The following GPR149 variants were observed in gnomAD, a reference collection of about 807,000 sequenced individuals.
The protein encoded by GPR149 is probable G protein-coupled receptor 149.
A neutral mutation model predicts 50.2 loss-of-function variants in GPR149; 50 were observed. The ratio of observed to expected loss-of-function variants is 1.00; its 90% CI spans 0.79 to 1.26. The LOEUF is 1.26. GPR149 is among the 50% of genes most tolerant of loss of function. GPR149 has a pLI of 0.00. For missense variants in GPR149, 983 were observed against 895.4 expected (o/e 1.10, Z -1.25); for synonymous variants, 405 against 358.2 (o/e 1.13, Z -1.48).
At chr3:154,355,212 G>A (rs1204764339) in intron 3 of GPR149, among the ~76,000 whole-genome samples, 1 of 152,138 alleles carries the variant, frequency 6.6e-6, no homozygotes, top group Non-Finnish European at 1.5e-5. Context: ...ATTTTTAATA[G>A]AGATGGGGTT....
At chr3:154,412,516 C>G (rs4680131) in intron 3 of GPR149, among the ~76,000 whole-genome samples, 1 of 151,870 alleles carries the variant, frequency 6.6e-6, no homozygotes, top group African/African-American at 2.4e-5. Context: ...ATCAGTAGCT[C>G]TGCTATACAC....
intron 3 of GPR149, among the ~76,000 whole-genome samples, chr3:154,359,140 G>A (rs530700586): frequency 6.6e-6 from 1 of 152,092 alleles, no homozygotes; most frequent in East Asian, 1.9e-4. Context: ...CAAAATAAGG[G>A]ACATTCTTTA....
At chr3:154,338,952 TA>T (rs530289161) in intron 3 of GPR149, among the ~76,000 whole-genome samples, 149 of 152,332 alleles carry the variant, frequency 9.8e-4, no homozygotes, top group African/African-American at 3.2e-3. Flanking sequence ...CTTTATGTAT[TA>T]AGATTTTTTT....
At chr3:154,376,731 G>A (rs1296770863) in intron 3 of GPR149, among the ~76,000 whole-genome samples, 2 of 152,128 alleles carry the variant, frequency 1.3e-5, no homozygotes, top group Non-Finnish European at 2.9e-5. Context: ...TTATAACATG[G>A]AAGATAAAAT....
Position 154,428,660 on chromosome 3 carries a change from T to G in GPR149, c.956A>C (p.Lys319Thr). Residue 319 changes from lysine to threonine, a missense_variant, in exon 1 of 4, where the codon AAA (lysine) becomes ACA (threonine). Transcript: ENST00000389740. ...KRFALILALT[K>T]VVLWLPMMMH... is the part of the protein sequence containing the mutation. ...CATCATGGGCAGCCAAAGGACGACT[T>G]TTGTAAGCGCTAGGATCAAAGCGAA... The G allele has an allele frequency of 1.2e-6, 2 of 1,612,472 alleles. No individual in the cohort carries two copies. The highest frequency in any genetic ancestry group is 1.7e-6 in the Non-Finnish European group (2 of 1,179,446).
intron 3 of GPR149, among the ~76,000 whole-genome samples, chr3:154,411,230 A>T (rs1711823350): frequency 6.6e-6 from 1 of 152,152 alleles, no homozygotes; most frequent in South Asian, 2.1e-4. Context: ...AAATACCTAC[A>T]TCAAAAATTC....
chr3:154,412,821 C>A (rs1466437068), intron 3 of GPR149, among the ~76,000 whole-genome samples: 2 of 151,998 alleles, frequency 1.3e-5, no homozygotes, highest in African/African-American at 4.8e-5. Flanking sequence ...TCTTGTATAA[C>A]CAAAAAAGAG....
intron 3 of GPR149, among the ~76,000 whole-genome samples, chr3:154,410,183 A>G (rs1186175242): frequency 6.6e-6 from 1 of 152,288 alleles, no homozygotes; most frequent in Middle Eastern, 3.4e-3. Context: ...ACAAATGCTG[A>G]GAGAATTTGC....
intron 3 of GPR149, among the ~76,000 whole-genome samples, chr3:154,411,768 A>G (rs1160354613): frequency 6.6e-6 from 1 of 152,100 alleles, no homozygotes; most frequent in East Asian, 1.9e-4. Context: ...TCTATCAGAT[A>G]TCCAAAGAAA....
At chr3:154,385,926 C>G (rs980503366) in intron 3 of GPR149, among the ~76,000 whole-genome samples, 9 of 152,068 alleles carry the variant, frequency 5.9e-5, no homozygotes, top group African/African-American at 1.9e-4. Flanking sequence ...TGGTCTCGAT[C>G]TTCTGACCTC....
At chr3:154,401,439 C>CTGTGATGAAGCTGAGA (rs1711547629) in intron 3 of GPR149, among the ~76,000 whole-genome samples, 2 of 152,122 alleles carry the variant, frequency 1.3e-5, no homozygotes, top group African/African-American at 4.8e-5. Context: ...CCTTGCCTTG[C>CTGTGATGAAGCTGAGA]TGACAGCTTC....
At chr3:154,384,771 T>C (rs1715010900) in intron 3 of GPR149, among the ~76,000 whole-genome samples, 1 of 152,226 alleles carries the variant, frequency 6.6e-6, no homozygotes, top group Admixed American at 6.5e-5. Flanking sequence ...TGTGCCCTTT[T>C]GTAGAATTAC....
intron 3 of GPR149, among the ~76,000 whole-genome samples, chr3:154,377,290 C>A (rs987002438): frequency 1.5e-4 from 23 of 150,592 alleles, no homozygotes; most frequent in African/African-American, 5.3e-4. Flanking sequence ...TAAAGCATGT[C>A]TTTGTAAGCT....
At chr3:154,369,171 G>A (rs937010289) in intron 3 of GPR149, among the ~76,000 whole-genome samples, 1 of 151,970 alleles carries the variant, frequency 6.6e-6, no homozygotes, top group South Asian at 2.1e-4. Context: ...ATTCCAAATG[G>A]GCACCATGCC....
At chr3:154,385,397 C>T (rs563056875) in intron 3 of GPR149, among the ~76,000 whole-genome samples, 85 of 152,234 alleles carry the variant, frequency 5.6e-4, no homozygotes, top group Non-Finnish European at 9.3e-4. Context: ...CCCTTGGGTA[C>T]AAATGTTTTG....
intron 3 of GPR149, chr3:154,353,490 G>T: frequency 1.1e-6 from 1 of 907,810 alleles, no homozygotes; most frequent in East Asian, 2.4e-5. Context: ...GCACAGTTTA[G>T]AAAGATCCAA....
chr3:154,356,550 G>T (rs1209414234), intron 3 of GPR149, among the ~76,000 whole-genome samples: 1 of 152,140 alleles, frequency 6.6e-6, no homozygotes, highest in African/African-American at 2.4e-5. Flanking sequence ...GACAAACAGA[G>T]AGCCAAATCA....
chr3:154,338,245 G>C lies in GPR149; in HGVS notation c.1650C>G (p.Pro550=), dbSNP rs200731797. 10 of 1,591,018 alleles carry C rather than the reference G, an allele frequency of 6.3e-6. No homozygotes were observed. Among genetic ancestry groups the C allele is most frequent in the Non-Finnish European group, 8.6e-6 (10 of 1,169,374 alleles). ...ACACAGTCCCCTGGAATGCACACAAGGGAATGGCAAGGGCATAACCGGAAC... is the reference window on the plus strand; with the variant it reads ...ACACAGTCCCCTGGAATGCACACAACGGAATGGCAAGGGCATAACCGGAAC... ...RQRSGYALAI[P]LCAFQGTVSL... is the part of the protein sequence containing the mutation. The change falls in exon 4 of 4, where the codon CCC becomes CCG. Residue 550 remains proline, a synonymous_variant. Coordinates refer to ENST00000389740, the MANE Select transcript of GPR149 (RefSeq NM_001038705.3).
At chr3:154,343,903 C>T (rs1400022317) in intron 3 of GPR149, among the ~76,000 whole-genome samples, 1 of 151,740 alleles carries the variant, frequency 6.6e-6, no homozygotes, top group Admixed American at 6.6e-5. Flanking sequence ...CACTTGAGCC[C>T]GGGAGATAGA....
Sources: gnomAD v4.1 joint callset for allele counts (sites outside exome capture counted in the v4.1 genomes callset) on GRCh38, gnomAD v4.1.1 for gene constraint, MANE v1.5 for transcripts, NCBI Gene and HGNC (gene_info 2026-07-23, HGNC 2026-07-21) for gene names.